The following MTHFD2L variants were observed in gnomAD, a reference collection of about 807,000 sequenced individuals.
MTHFD2L encodes the protein methylenetetrahydrofolate dehydrogenase (NADP+ dependent) 2 like.
A neutral mutation model predicts 34.9 loss-of-function variants in MTHFD2L; 29 were observed. That is an observed-to-expected ratio of 0.83 (90% CI 0.62 to 1.13). The LOEUF (loss-of-function observed/expected upper bound fraction) is 1.13. MTHFD2L is among the 50% of genes most tolerant of loss of function. MTHFD2L has a pLI of 0.00. For synonymous variants in MTHFD2L, 167 were observed against 155.7 expected (o/e 1.07, Z -0.54); for missense variants, 481 against 446.5 (o/e 1.08, Z -0.70).
At chr4:74,126,727 T>C (rs1049612614) in intron 1 of MTHFD2L, among the ~76,000 whole-genome samples, 2 of 152,142 alleles carry the variant, frequency 1.3e-5, no homozygotes, top group African/African-American at 4.8e-5. Context: ...TCATACGATA[T>C]CTTTTATTGT....
chr4:74,294,722 A>G (rs1749420716), intron 7 of MTHFD2L, among the ~76,000 whole-genome samples: 1 of 152,030 alleles, frequency 6.6e-6, no homozygotes, highest in African/African-American at 2.4e-5. Context: ...TCTGCACTGT[A>G]CCTATTGTTC....
chr4:74,164,656 A>G (rs1726266796), intron 1 of MTHFD2L, among the ~76,000 whole-genome samples: 1 of 152,248 alleles, frequency 6.6e-6, no homozygotes, highest in African/African-American at 2.4e-5. Flanking sequence ...TTCCCATTAT[A>G]TAGATGAAGA....
chr4:74,114,939 T>G (rs1053727168), intron 2 of MTHFD2L, among the ~76,000 whole-genome samples: 1 of 152,154 alleles, frequency 6.6e-6, no homozygotes, highest in Admixed American at 6.5e-5. Context: ...TAACTGGGAC[T>G]CAGAGAAGTT....
intron 6 of MTHFD2L, chr4:74,267,047 C>T: frequency 1.0e-6 from 1 of 985,374 alleles, no homozygotes; most frequent in African/African-American, 1.7e-5. Flanking sequence ...CTCTTTTCAA[C>T]TAATATACCT....
chr4:74,147,510 C>G (rs989420367), intron 1 of MTHFD2L, among the ~76,000 whole-genome samples: 1 of 152,178 alleles, frequency 6.6e-6, no homozygotes, highest in Non-Finnish European at 1.5e-5. Context: ...TACTTCTCCC[C>G]TTTTGTCTTT....
intron 3 of MTHFD2L, among the ~76,000 whole-genome samples, chr4:74,187,053 C>G (rs893705850): frequency 3.9e-5 from 6 of 152,056 alleles, no homozygotes; most frequent in Non-Finnish European, 5.9e-5. Context: ...CAAATAAGTA[C>G]AGAAAAGAAT....
chr4:74,115,230 C>T (rs114233572), intron 2 of MTHFD2L, among the ~76,000 whole-genome samples: 100 of 152,210 alleles, frequency 6.6e-4, no homozygotes, highest in African/African-American at 2.3e-3. Context: ...GGAGAGACTG[C>T]GACAGAAATT....
intron 3 of MTHFD2L, among the ~76,000 whole-genome samples, chr4:74,186,657 A>C (rs1731336101): frequency 6.6e-6 from 1 of 152,060 alleles, no homozygotes; most frequent in African/African-American, 2.4e-5. Context: ...TAAAAACTAC[A>C]GAACATTTCT....
chr4:74,123,662 A>G (rs1721872496), upstream of MTHFD2L, among the ~76,000 whole-genome samples: 1 of 151,934 alleles, frequency 6.6e-6, no homozygotes, highest in African/African-American at 2.4e-5. Context: ...GTAACTTAGA[A>G]TGCTTCAACA....
At position 74,158,201 on chromosome 4, in the gene MTHFD2L, G is replaced by T. The variant is rs780793006; in HGVS notation, c.63G>T (p.Leu21Phe). The T allele has an allele frequency of 3.3e-6, 5 of 1,525,578 alleles. No individual in the cohort carries two copies. In the East Asian group the frequency reaches 9.8e-5, roughly 30 times the overall value. The allele number at this position is 1,525,578 out of a possible 1,614,324, so 94.5% of individuals were successfully genotyped here. The change falls in exon 1 of 8, where the codon TTG (leucine) becomes TTT (phenylalanine). Residue 21 changes from leucine (L) to phenylalanine (F), a missense_variant. Physicochemically the swap from Leu to Phe is conservative, Grantham distance 22. Coordinates refer to ENST00000325278, the MANE Select transcript of MTHFD2L (RefSeq NM_001144978.3). The part of the protein sequence containing the change: ...LRGRLGRAPA[L>F]GRSTAPSVRA... Reference sequence around the variant, plus strand: ...GCCGCCTTGGCCGAGCGCCGGCGTTGGGCAGAAGCACAGCACCCTCCGTAA... The same window carrying T: ...GCCGCCTTGGCCGAGCGCCGGCGTTTGGCAGAAGCACAGCACCCTCCGTAA...
At chr4:74,275,048 G>A (rs188717371) in intron 6 of MTHFD2L, among the ~76,000 whole-genome samples, 16 of 152,080 alleles carry the variant, frequency 1.1e-4, no homozygotes, top group Middle Eastern at 6.8e-3. Context: ...ACCTATCAAC[G>A]CATCACCTAG....
chr4:74,299,062 T>C (rs927430279), intron 7 of MTHFD2L, among the ~76,000 whole-genome samples: 4 of 151,974 alleles, frequency 2.6e-5, no homozygotes, highest in Non-Finnish European at 4.4e-5. Flanking sequence ...CTATGGTTTT[T>C]ACTATTTTTT....
chr4:74,294,858 TA>T (rs1344393759), intron 7 of MTHFD2L, among the ~76,000 whole-genome samples: 1 of 152,044 alleles, frequency 6.6e-6, no homozygotes, highest in Non-Finnish European at 1.5e-5. Flanking sequence ...ATCAGCCACA[TA>T]GGGGAGAAGA....
At chr4:74,115,663 T>A (rs890150945) in intron 2 of MTHFD2L, among the ~76,000 whole-genome samples, 2 of 152,242 alleles carry the variant, frequency 1.3e-5, no homozygotes, top group Non-Finnish European at 2.9e-5. Context: ...TTTCCAAAGT[T>A]CCTCTTCTCC....
chr4:74,273,381 T>TG (rs1266225394), intron 6 of MTHFD2L, among the ~76,000 whole-genome samples: 1 of 152,154 alleles, frequency 6.6e-6, no homozygotes, highest in African/African-American at 2.4e-5. Flanking sequence ...AAGTTTGTGT[T>TG]GAAGTTTGAA....
chr4:74,229,689 C>T (rs1739710625), intron 6 of MTHFD2L, among the ~76,000 whole-genome samples: 1 of 152,062 alleles, frequency 6.6e-6, no homozygotes, highest in Non-Finnish European at 1.5e-5. Context: ...CTCCTACTGG[C>T]TTATATATCA....
intron 3 of MTHFD2L, among the ~76,000 whole-genome samples, chr4:74,186,321 C>A (rs938267804): frequency 5.3e-5 from 8 of 149,876 alleles, no homozygotes; most frequent in African/African-American, 2.0e-4. Flanking sequence ...TCAAGAAAGT[C>A]AAGGATGTCC....
intron 6 of MTHFD2L, chr4:74,280,296 A>G (rs1747270371): frequency 2.0e-5 from 3 of 152,112 alleles, no homozygotes; most frequent in Admixed American, 2.0e-4. Flanking sequence ...GCTGGTAACT[A>G]ATACTTCTTG....
At chr4:74,191,267 A>G (rs748270666) in intron 3 of MTHFD2L, among the ~76,000 whole-genome samples, 7 of 152,114 alleles carry the variant, frequency 4.6e-5, no homozygotes, top group Non-Finnish European at 1.0e-4. Context: ...CATTCAGTAA[A>G]TATTTGTTGA....
Sources: allele counts gnomAD v4.1 joint callset (sites outside exome capture counted in the v4.1 genomes callset), GRCh38; gene constraint gnomAD v4.1.1; transcripts MANE v1.5; gene names NCBI Gene and HGNC (gene_info 2026-07-23, HGNC 2026-07-21).